Variants in OXR1 observed in about 807,000 individuals in gnomAD.
OXR1 encodes oxidation resistance 1.
A neutral mutation model predicts 104.6 loss-of-function variants in OXR1; 41 were observed. The observed-to-expected ratio is 0.39, with a 90% CI of 0.31 to 0.51. The LOEUF is 0.51. Ranked by LOEUF, OXR1 falls within the 20% of genes least tolerant of loss-of-function variation. The pLI is 0.77. For missense variants in OXR1, 955 were observed against 1,031.9 expected (o/e 0.93, Z 1.02); for synonymous variants, 348 against 348.4 (o/e 1.00, Z 0.01).
chr8:106,726,114 T>C, intron 11 of OXR1: 1 of 1,386,772 alleles, frequency 7.2e-7, no homozygotes, highest in African/African-American at 1.5e-5. Context: ...ATCAAATCTT[T>C]GTCTCTAGCA....
chr8:106,692,718 A>G lies in OXR1; in HGVS notation c.526-10A>G, dbSNP rs775550351. The stretch of plus-strand genomic sequence containing the variant: ...CTTTTTTTTTTCTTTCCTTTAAAAA[A>G]AAAAAAAAGAATCCTGATGTCCATC... On this transcript the variant is annotated splice_polypyrimidine_tract_variant and intron_variant, in intron 6 of 16. Coordinates refer to ENST00000517566, the MANE Select transcript of OXR1 (RefSeq NM_001198533.2). 1.4e-6 allele frequency: 2 copies of G among 1,438,496 alleles called. No homozygotes were observed. The highest frequency in any genetic ancestry group is 1.8e-6 in the Non-Finnish European group (2 of 1,088,058). The allele number at this position is 1,438,496 out of a possible 1,614,324, so 89.1% of individuals were successfully genotyped here. A position where few individuals can be genotyped will look rare whatever the true frequency, so the allele number is the denominator to read the frequency against.
intron 2 of OXR1, among the ~76,000 whole-genome samples, chr8:106,454,681 G>A (rs1551269): frequency 0.51 from 77,309 of 151,706 alleles, 22,417 homozygotes; most frequent in African/African-American, 0.78. Context: ...GATATTAATT[G>A]TCTTATTCGT....
intron 7 of OXR1, among the ~76,000 whole-genome samples, chr8:106,702,440 A>G (rs1830670030): frequency 6.6e-6 from 1 of 152,138 alleles, no homozygotes; most frequent in Non-Finnish European, 1.5e-5. Flanking sequence ...TCAAGTGGAA[A>G]CAGATTTTTT....
At chr8:106,326,914 T>C (rs1814494200) in intron 1 of OXR1, among the ~76,000 whole-genome samples, 1 of 152,176 alleles carries the variant, frequency 6.6e-6, no homozygotes, top group South Asian at 2.1e-4. Context: ...ATTTAGAAAA[T>C]AGTGCATTTT....
intron 2 of OXR1, among the ~76,000 whole-genome samples, chr8:106,402,246 C>A: frequency 6.6e-6 from 1 of 152,116 alleles, no homozygotes; most frequent in East Asian, 1.9e-4. Flanking sequence ...TGGAAATCAC[C>A]ACCCCTGCAT....
intron 1 of OXR1, among the ~76,000 whole-genome samples, chr8:106,328,938 G>A (rs1401885004): frequency 6.6e-6 from 1 of 152,076 alleles, no homozygotes; most frequent in Non-Finnish European, 1.5e-5. Flanking sequence ...TTACCACTTT[G>A]GCCCTCTGCT....
At position 106,329,807 on chromosome 8, in the gene OXR1, G is replaced by A. The variant is rs376622729; in HGVS notation, c.-138-29669G>A. 2.0e-4 allele frequency among the ~76,000 whole-genome samples: 31 copies of A among 152,164 alleles called. No homozygotes were observed. The East Asian group carries it at 3.3e-3, about 16-fold the overall frequency. On this transcript the variant is annotated intron_variant, in intron 1 of 16. Transcript: ENST00000517566. ...AGGTGTCAGTGAGCGGGTTGCATGG[G>A]TGTGAGTGTGTATCCAGTGTACTTT...
chr8:106,733,701 C>T (rs954790132), intron 11 of OXR1, among the ~76,000 whole-genome samples: 1 of 151,666 alleles, frequency 6.6e-6, no homozygotes, highest in Admixed American at 6.6e-5. Flanking sequence ...CAGCACACAT[C>T]TGTAGTCCCA....
intron 3 of OXR1, among the ~76,000 whole-genome samples, chr8:106,600,304 C>A (rs1454531181): frequency 6.6e-6 from 1 of 152,168 alleles, no homozygotes; most frequent in Non-Finnish European, 1.5e-5. Context: ...ATACAAAGTC[C>A]ATCCACAAAC....
intron 3 of OXR1, among the ~76,000 whole-genome samples, chr8:106,633,873 A>G (rs148040977): frequency 1.1e-3 from 166 of 152,334 alleles, no homozygotes; most frequent in African/African-American, 3.7e-3. Flanking sequence ...GATTTGCTCC[A>G]AACTGCAGGA....
intron 2 of OXR1, among the ~76,000 whole-genome samples, chr8:106,368,981 T>A (rs1816600344): frequency 6.6e-6 from 1 of 152,208 alleles, no homozygotes; most frequent in Non-Finnish European, 1.5e-5. Context: ...CACCACAGTG[T>A]CTTCCACAAT....
At chr8:106,506,171 A>G (rs1255730784) in intron 2 of OXR1, among the ~76,000 whole-genome samples, 4 of 152,236 alleles carry the variant, frequency 2.6e-5, no homozygotes, top group Non-Finnish European at 5.9e-5. Context: ...GAGATTGGGA[A>G]GACAAGGAGG....
rs537052701 is a variant in OXR1 at position 106,592,968 on chromosome 8, T to C, written c.220+73829T>C. On this transcript the variant is annotated intron_variant, in intron 3 of 16. Transcript: ENST00000517566. Reference sequence around the variant, plus strand: ...TAAATGTGACCCCTACAGTCTCCTGTTCCTTTTTCAGGTGTTTTCCTCTGT... The same window carrying C: ...TAAATGTGACCCCTACAGTCTCCTGCTCCTTTTTCAGGTGTTTTCCTCTGT... 3.3e-5 allele frequency among the ~76,000 whole-genome samples: 5 copies of C among 152,340 alleles called. No homozygotes were observed. In the East Asian group the frequency reaches 7.7e-4, roughly 23 times the overall value.
At chr8:106,370,360 T>G (rs1816652657) in intron 2 of OXR1, among the ~76,000 whole-genome samples, 1 of 152,190 alleles carries the variant, frequency 6.6e-6, no homozygotes, top group African/African-American at 2.4e-5. Context: ...ACAACTTGAC[T>G]TCCTCTCTTC....
At chr8:106,395,233 G>A (rs1186559288) in intron 2 of OXR1, among the ~76,000 whole-genome samples, 1 of 152,116 alleles carries the variant, frequency 6.6e-6, no homozygotes, top group East Asian at 1.9e-4. Flanking sequence ...AATAAGCAAA[G>A]GGGGCAGTCT....
At chr8:106,535,579 A>G (rs1415992881) in intron 3 of OXR1, among the ~76,000 whole-genome samples, 1 of 152,062 alleles carries the variant, frequency 6.6e-6, no homozygotes, top group Non-Finnish European at 1.5e-5. Flanking sequence ...TTCTATCACC[A>G]TTTCACCCAG....
intron 3 of OXR1, among the ~76,000 whole-genome samples, chr8:106,549,576 C>T (rs1298527304): frequency 1.3e-5 from 2 of 152,138 alleles, no homozygotes; most frequent in African/African-American, 2.4e-5. Context: ...TAACAGAATA[C>T]TATAGACTGG....
At chr8:106,647,843 C>T (rs1214522678) in intron 3 of OXR1, among the ~76,000 whole-genome samples, 4 of 152,136 alleles carry the variant, frequency 2.6e-5, no homozygotes, top group Non-Finnish European at 4.4e-5. Flanking sequence ...TAATTTGTTA[C>T]TGGAGAAGAT....
At chr8:106,475,375 A>C (rs1020782591) in intron 2 of OXR1, among the ~76,000 whole-genome samples, 1 of 151,956 alleles carries the variant, frequency 6.6e-6, no homozygotes, top group South Asian at 2.1e-4. Context: ...GGATCAACCT[A>C]AAGGTCTTCA....
Sources: allele counts gnomAD v4.1 joint callset (sites outside exome capture counted in the v4.1 genomes callset), GRCh38; gene constraint gnomAD v4.1.1; transcripts MANE v1.5; gene names NCBI Gene and HGNC (gene_info 2026-07-23, HGNC 2026-07-21).